OPCML: variants seen among roughly 807,000 people sequenced by gnomAD.
OPCML encodes the protein opioid binding protein/cell adhesion molecule like.
In OPCML, 13 loss-of-function variants were observed where a neutral mutation model predicts 37.8. The observed-to-expected ratio is 0.34, with a 90% CI of 0.22 to 0.55. OPCML has a LOEUF of 0.55. OPCML is among the 20% of genes least tolerant of loss of function. OPCML has a pLI of 0.91. For missense variants in OPCML, 341 were observed against 435.6 expected, an observed-to-expected ratio of 0.78 and a Z score of 1.93; for synonymous variants, 176 against 168.8, an observed-to-expected ratio of 1.04 and a Z score of -0.33.
chr11:133,009,209 T>G (rs1487587895), intron 1 of OPCML: 35 of 985,258 alleles, frequency 3.6e-5, no homozygotes, highest in Non-Finnish European at 4.1e-5. Flanking sequence ...GTAGATATAG[T>G]CCCTGATCTC....
chr11:132,568,056 G>A (rs1042752613), intron 3 of OPCML, among the ~76,000 whole-genome samples: 1 of 144,110 alleles, frequency 6.9e-6, no homozygotes, highest in Non-Finnish European at 1.5e-5. Flanking sequence ...GCGCGCGCGT[G>A]TGTGTGTGTG....
chr11:132,917,831 G>A (rs1944657008), intron 2 of OPCML, among the ~76,000 whole-genome samples: 1 of 152,080 alleles, frequency 6.6e-6, no homozygotes, highest in Admixed American at 6.5e-5. Flanking sequence ...TGTAATTGGA[G>A]GGCCTACTTG....
intron 1 of OPCML, among the ~76,000 whole-genome samples, chr11:132,959,433 T>G (rs1258377916): frequency 2.0e-5 from 3 of 152,222 alleles, no homozygotes; most frequent in Non-Finnish European, 4.4e-5. Flanking sequence ...ACTTAGCTGA[T>G]AAAGCAGCGG....
At chr11:132,698,061 C>A (rs1943666044) in intron 2 of OPCML, among the ~76,000 whole-genome samples, 2 of 148,566 alleles carry the variant, frequency 1.3e-5, no homozygotes, top group South Asian at 2.1e-4. Flanking sequence ...TTGCCCTGGG[C>A]CCAAGTAATC....
rs1225048202 is a variant in OPCML at position 133,438,452 on chromosome 11, G to GA, written c.61+93811dup. Among the ~76,000 whole-genome samples the GA allele has an allele frequency of 3.9e-5, 6 of 151,998 alleles. 1 individual carries two copies. Among genetic ancestry groups the GA allele is most frequent in the Admixed American group, 3.9e-4 (6 of 15,240 alleles). On this transcript the variant is annotated intron_variant, in intron 1 of 7. Coordinates refer to ENST00000524381, the MANE Select transcript of OPCML (RefSeq NM_001012393.5). Reference sequence around the variant, plus strand: ...AAATTAAAGTATATCAGCAATCACAGAAAAAAGTTCATTTTAAACTCTGAA... The same window carrying GA: ...AAATTAAAGTATATCAGCAATCACAGAAAAAAAGTTCATTTTAAACTCTGAA...
At position 133,294,815 on chromosome 11, in the gene OPCML, CTTTTTTTTTTTT is replaced by C. The variant is rs59382534; in HGVS notation, c.61+237437_61+237448del. ...TTTTTTTTTCTTTCTTTCTTTCTTT[CTTTTTTTTTTTT>C]TTTTTTTTTTTTTGAGACTGAGTTT... is the stretch of plus-strand genomic sequence containing the variant. On this transcript the variant is annotated intron_variant, in intron 1 of 7. Transcript: ENST00000524381. Among the ~76,000 whole-genome samples, 5 of 56,554 alleles carry C rather than the reference CTTTTTTTTTTTT, an allele frequency of 8.8e-5. No homozygotes were observed. The Admixed American group carries it at 9.2e-4, about 10-fold the overall frequency. The allele number at this position is 56,554 out of a possible 152,430, so 37.1% of individuals were successfully genotyped here.
chr11:133,458,794 C>CAT (rs1946783673), intron 1 of OPCML, among the ~76,000 whole-genome samples: 1 of 143,902 alleles, frequency 6.9e-6, no homozygotes, highest in Non-Finnish European at 1.5e-5. Context: ...CATAGATGCA[C>CAT]GTGTGTGTGT....
Position 133,140,196 on chromosome 11 carries a change from A to AATAATAATG in OPCML, c.62-197187_62-197186insCATTATTAT, listed in dbSNP as rs1209382282. On this transcript the variant is annotated intron_variant, in intron 1 of 7. Transcript: ENST00000524381. The stretch of plus-strand genomic sequence containing the variant: ...AGTGAGACTCCGTCTCAATAATAAT[A>AATAATAATG]ATAATAATAATAATAATAATAATAA... Among the ~76,000 whole-genome samples, 6 of 136,700 alleles carry AATAATAATG rather than the reference A, an allele frequency of 4.4e-5. No individual in the cohort carries two copies. The East Asian group carries it at 1.3e-3, about 29-fold the overall frequency. 89.7% of individuals were successfully genotyped at this position (136,700 alleles called of 152,430 possible).
At chr11:132,940,611 G>A (rs1945544500) in intron 2 of OPCML, among the ~76,000 whole-genome samples, 1 of 152,174 alleles carries the variant, frequency 6.6e-6, no homozygotes, top group Non-Finnish European at 1.5e-5. Flanking sequence ...TCAGAGTACT[G>A]ACAAATCAGT....
chr11:132,708,761 A>T (rs1944139332), intron 2 of OPCML, among the ~76,000 whole-genome samples: 1 of 152,224 alleles, frequency 6.6e-6, no homozygotes, highest in African/African-American at 2.4e-5. Context: ...AGAATAAAGC[A>T]GTTGCAGATA....
chr11:132,670,769 T>C (rs575419593), intron 2 of OPCML, among the ~76,000 whole-genome samples: 3 of 152,294 alleles, frequency 2.0e-5, no homozygotes, highest in Non-Finnish European at 4.4e-5. Flanking sequence ...TTCTGGAGCA[T>C]AGTGAATAGT....
intron 1 of OPCML, among the ~76,000 whole-genome samples, chr11:133,341,176 T>G (rs1943861560): frequency 6.6e-6 from 1 of 152,198 alleles, no homozygotes; most frequent in Non-Finnish European, 1.5e-5. Flanking sequence ...CTGTACATCA[T>G]GGGTGCTCAA....
intron 1 of OPCML, among the ~76,000 whole-genome samples, chr11:133,080,290 T>C (rs1948690913): frequency 6.6e-6 from 1 of 152,048 alleles, no homozygotes; most frequent in South Asian, 2.1e-4. Flanking sequence ...GGGTTCAGCT[T>C]TGGTAGGTCT....
At chr11:133,400,227 T>C (rs1945373323) in intron 1 of OPCML, among the ~76,000 whole-genome samples, 1 of 152,222 alleles carries the variant, frequency 6.6e-6, no homozygotes, top group Admixed American at 6.5e-5. Context: ...TGTAGAATGT[T>C]CAAGTTGGAC....
chr11:132,591,185 C>G (rs949637586), intron 3 of OPCML, among the ~76,000 whole-genome samples: 2 of 152,188 alleles, frequency 1.3e-5, no homozygotes, highest in African/African-American at 4.8e-5. Flanking sequence ...TCATCGCCCC[C>G]CTTTGGAGTT....
In OPCML at chr11:133,154,219, T is replaced by TAA. The variant is rs35932575; in HGVS notation, c.62-211211_62-211210dup. ...GCACGAATGTGCTCATGCTTCTGATTAAAAAAAAAAAAAAAATTGAGGAAG... is the reference window on the plus strand; with the variant it reads ...GCACGAATGTGCTCATGCTTCTGATTAAAAAAAAAAAAAAAAAATTGAGGAAG... On this transcript the variant is annotated intron_variant, in intron 1 of 7. Transcript: ENST00000524381. Among the ~76,000 whole-genome samples, 3 of 144,478 alleles carry TAA rather than the reference T, an allele frequency of 2.1e-5. No individual in the cohort carries two copies. In the East Asian group the frequency reaches 6.2e-4, roughly 30 times the overall value. The allele number at this position is 144,478 out of a possible 152,430, so 94.8% of individuals were successfully genotyped here.
At chr11:132,501,269 TA>T (rs1410151408) in intron 4 of OPCML, among the ~76,000 whole-genome samples, 2 of 152,152 alleles carry the variant, frequency 1.3e-5, no homozygotes, top group East Asian at 3.9e-4. Flanking sequence ...CCTAAAACCA[TA>T]AAAACCCTCG....
intron 2 of OPCML, among the ~76,000 whole-genome samples, chr11:132,826,760 G>C (rs1286515509): frequency 1.3e-5 from 2 of 152,162 alleles, no homozygotes; most frequent in Non-Finnish European, 2.9e-5. Context: ...AGATAAGAAG[G>C]TATGTAATCA....
At chr11:133,128,313 A>C (rs1949549679) in intron 1 of OPCML, among the ~76,000 whole-genome samples, 1 of 152,172 alleles carries the variant, frequency 6.6e-6, no homozygotes, top group Non-Finnish European at 1.5e-5. Flanking sequence ...AGTTGTCCTA[A>C]TGCCTGCCTT....
Sources: gnomAD v4.1 joint callset for allele counts (sites outside exome capture counted in the v4.1 genomes callset) on GRCh38, gnomAD v4.1.1 for gene constraint, MANE v1.5 for transcripts, NCBI Gene and HGNC (gene_info 2026-07-23, HGNC 2026-07-21) for gene names.